Variants in C10orf67 observed in about 807,000 individuals in gnomAD.
The protein encoded by C10orf67 is chromosome 10 open reading frame 67, also known as uncharacterized protein C10orf67, mitochondrial.
C10orf67 carries 60 observed loss-of-function variants against 35.6 expected under a neutral mutation model. That is an observed-to-expected ratio of 1.68 (90% CI 1.37 to 2.09). C10orf67 has a LOEUF of 2.09. Among genes scored for constraint, C10orf67 ranks in the 30% most tolerant of loss-of-function variants. The probability of loss-of-function intolerance (pLI) is 0.00; values close to 1 mark genes in which losing one functional copy is unlikely to be tolerated. For synonymous variants in C10orf67, 167 were observed against 115.8 expected, an observed-to-expected ratio of 1.44 and a Z score of -2.84; for missense variants, 474 against 330.2, an observed-to-expected ratio of 1.44 and a Z score of -3.38.
At chr10:23,265,322 C>T (rs780929335) in intron 10 of C10orf67, among the ~76,000 whole-genome samples, 11 of 152,198 alleles carry the variant, frequency 7.2e-5, no homozygotes, top group South Asian at 2.1e-4. Flanking sequence ...AGGATGCACA[C>T]GGTGTGCACA....
chr10:23,289,835 T>C (rs1843661739), intron 7 of C10orf67, 65 bp downstream of exon 7: 2 of 704,958 alleles, frequency 2.8e-6, no homozygotes, highest in African/African-American at 1.8e-5. Flanking sequence ...CACAGTGTTA[T>C]TTGGCCAATT....
chr10:23,261,016 T>C (rs558488062), intron 10 of C10orf67, among the ~76,000 whole-genome samples: 7 of 152,292 alleles, frequency 4.6e-5, no homozygotes, highest in Non-Finnish European at 8.8e-5. Flanking sequence ...AGAATCACAC[T>C]CGAGGTTGTT....
intron 3 of C10orf67, 111 bp downstream of exon 3, chr10:23,322,283 C>G (rs921005732): frequency 2.6e-6 from 3 of 1,153,894 alleles, no homozygotes; most frequent in Non-Finnish European, 3.7e-6. Context: ...TGAGACACAA[C>G]TAATGCAAAT....
intron 8 of C10orf67, among the ~76,000 whole-genome samples, chr10:23,280,386 G>A (rs545485471): frequency 6.6e-6 from 1 of 152,284 alleles, no homozygotes; most frequent in African/African-American, 2.4e-5. Flanking sequence ...GAAAAACGCA[G>A]GATAGCGAGA....
At chr10:23,319,746 G>A (rs1013497894) in intron 4 of C10orf67, among the ~76,000 whole-genome samples, 1 of 152,104 alleles carries the variant, frequency 6.6e-6, no homozygotes. Context: ...CCCTTTTACT[G>A]AGAAAGAACA....
intron 15 of C10orf67, among the ~76,000 whole-genome samples, chr10:23,215,568 T>C (rs927457195): frequency 6.6e-6 from 1 of 152,092 alleles, no homozygotes; most frequent in African/African-American, 2.4e-5. Flanking sequence ...TAAGCCACCA[T>C]GCCCGGCTGA....
intron 15 of C10orf67, among the ~76,000 whole-genome samples, chr10:23,218,558 T>C (rs1841494830): frequency 6.6e-6 from 1 of 152,092 alleles, no homozygotes; most frequent in African/African-American, 2.4e-5. Flanking sequence ...GAAAAGGTAG[T>C]TGAGAATTAG....
At chr10:23,341,762 C>T (rs1448098409) in intron 1 of C10orf67, among the ~76,000 whole-genome samples, 1 of 152,158 alleles carries the variant, frequency 6.6e-6, no homozygotes, top group African/African-American at 2.4e-5. Flanking sequence ...CCAGTGTTCT[C>T]TCTGCCTGGA....
At chr10:23,327,095 T>C (rs1297850991) in intron 2 of C10orf67, among the ~76,000 whole-genome samples, 1 of 152,062 alleles carries the variant, frequency 6.6e-6, no homozygotes, top group Non-Finnish European at 1.5e-5. Flanking sequence ...AATTTGAGAT[T>C]AATCATTAAA....
intron 7 of C10orf67, among the ~76,000 whole-genome samples, chr10:23,284,720 C>CA (rs1284445762): frequency 1.4e-5 from 2 of 148,060 alleles, no homozygotes; most frequent in Non-Finnish European, 3.0e-5. Context: ...AACAAACAAA[C>CA]AAAAAAACCT....
chr10:23,205,032 A>G (rs1198262517), intron 15 of C10orf67, among the ~76,000 whole-genome samples: 1 of 152,132 alleles, frequency 6.6e-6, no homozygotes, highest in Non-Finnish European at 1.5e-5. Context: ...GCAGTGGGAG[A>G]GGGGAACACA....
At chr10:23,239,499 C>T (rs1202552294) in intron 13 of C10orf67, among the ~76,000 whole-genome samples, 1 of 152,224 alleles carries the variant, frequency 6.6e-6, no homozygotes, top group Non-Finnish European at 1.5e-5. Context: ...CATTGTAGCT[C>T]AACCATATTG....
At chr10:23,301,809 G>A (rs1052025593) in intron 5 of C10orf67, among the ~76,000 whole-genome samples, 3 of 152,238 alleles carry the variant, frequency 2.0e-5, no homozygotes, top group Admixed American at 6.5e-5. Flanking sequence ...TCTATTAGAA[G>A]CCATGGGCCA....
intron 1 of C10orf67, among the ~76,000 whole-genome samples, chr10:23,341,443 T>C (rs879800414): frequency 6.6e-6 from 1 of 152,200 alleles, no homozygotes; most frequent in Admixed American, 6.5e-5. Context: ...ATGGTCATCT[T>C]CCATGAGGAA....
At chr10:23,240,473 A>T (rs1564467565) in intron 12 of C10orf67, among the ~76,000 whole-genome samples, 1 of 152,374 alleles carries the variant, frequency 6.6e-6, no homozygotes, top group East Asian at 1.9e-4. Context: ...AACTTGAAAG[A>T]GTTCCTGTTG....
chr10:23,223,882 G>A (rs1841659494), intron 13 of C10orf67, 64 bp from the exon 14 acceptor site: 7 of 704,570 alleles, frequency 9.9e-6, no homozygotes, highest in East Asian at 2.7e-5. Flanking sequence ...TCAAATGGAC[G>A]TTAATGTTCT....
At chr10:23,216,730 T>C (rs1841441283) in intron 15 of C10orf67, among the ~76,000 whole-genome samples, 1 of 152,142 alleles carries the variant, frequency 6.6e-6, no homozygotes, top group Admixed American at 6.5e-5. Flanking sequence ...GAACACATAC[T>C]TCCACCATCA....
chr10:23,241,044 T>C (rs937604549), intron 12 of C10orf67, among the ~76,000 whole-genome samples: 2 of 152,210 alleles, frequency 1.3e-5, no homozygotes, highest in African/African-American at 4.8e-5. Flanking sequence ...TCAGTAGTAG[T>C]GCTTTGGGCC....
intron 15 of C10orf67, among the ~76,000 whole-genome samples, chr10:23,208,770 G>T (rs149906377): frequency 1.3e-5 from 2 of 152,316 alleles, no homozygotes; most frequent in African/African-American, 4.8e-5. Context: ...TCTTGGCCCT[G>T]TGACTTGCTT....
Sources: allele counts gnomAD v4.1 joint callset (sites outside exome capture counted in the v4.1 genomes callset), GRCh38; gene constraint gnomAD v4.1.1; transcripts MANE v1.5; gene names NCBI Gene and HGNC (gene_info 2026-07-23, HGNC 2026-07-21).